Variants in MROH1 observed in about 807,000 individuals in gnomAD.
MROH1 encodes maestro heat like repeat family member 1.
A neutral mutation model predicts 116.5 loss-of-function variants in MROH1; 117 were observed. The ratio of observed to expected loss-of-function variants is 1.00; its 90% confidence interval spans 0.86 to 1.17. The LOEUF (loss-of-function observed/expected upper bound fraction) is 1.17, where lower values mean the gene tolerates loss of function less well. Ranked by LOEUF, MROH1 falls within the 50% of genes most tolerant of loss-of-function variation. MROH1 has a pLI of 0.00. For synonymous variants in MROH1, 921 were observed against 583.9 expected, an observed-to-expected ratio of 1.58 and a Z score of -8.32; for missense variants, 1,873 against 1,338.5, an observed-to-expected ratio of 1.40 and a Z score of -6.23.
intron 12 of MROH1, among the ~76,000 whole-genome samples, chr8:144,219,451 C>T (rs1282220731): frequency 6.6e-6 from 1 of 152,176 alleles, no homozygotes; most frequent in Non-Finnish European, 1.5e-5. Flanking sequence ...AGCCACCACA[C>T]CTAACCCCTT....
intron 38 of MROH1, 54 bp from the exon 39 acceptor site, chr8:144,260,132 G>A: frequency 1.3e-6 from 1 of 757,196 alleles, no homozygotes; most frequent in Non-Finnish European, 2.4e-6. Context: ...ACCCTGTCTT[G>A]TGGGGTAGCA....
chr8:144,195,530 CAGAG>C (rs1165229596), intron 10 of MROH1, among the ~76,000 whole-genome samples: 1 of 124,520 alleles, frequency 8.0e-6, no homozygotes, highest in African/African-American at 3.0e-5. Context: ...AAAAAAGAAA[CAGAG>C]TCTCACTCTG....
intron 39 of MROH1, 66 bp from the exon 40 acceptor site, chr8:144,260,611 G>C (rs1229951297): frequency 1.3e-6 from 1 of 768,612 alleles, no homozygotes; most frequent in South Asian, 1.3e-5. Context: ...CAATGGCAGG[G>C]GGCTAGGCAG....
chr8:144,197,845 G>A (rs1389395917), intron 10 of MROH1, among the ~76,000 whole-genome samples: 3 of 149,964 alleles, frequency 2.0e-5, no homozygotes, highest in African/African-American at 4.9e-5. Context: ...AGGCCGAGGC[G>A]GGCGGATCAC....
chr8:144,212,772 G>C (rs1423624251), intron 12 of MROH1, among the ~76,000 whole-genome samples: 1 of 151,534 alleles, frequency 6.6e-6, no homozygotes, highest in African/African-American at 2.4e-5. Context: ...GTATTTTTTA[G>C]TACAGATAGG....
rs962228987 is a variant in MROH1 at position 144,261,669 on chromosome 8, C to T, written c.4855C>T (p.Leu1619=). 10 of 724,142 alleles carry T rather than the reference C, an allele frequency of 1.4e-5. No individual in the cohort carries two copies. The highest frequency in any genetic ancestry group is 2.5e-5 in the Non-Finnish European group (10 of 398,108). The allele number at this position is 724,142 out of a possible 1,614,324, so 44.9% of individuals were successfully genotyped here. ...TCTACCCCCAGCGCTCCAGATCCTG[C>T]TGAAGGACCCGGCCCCCGAGGTGCG... The part of the protein sequence containing the change: ...DQLIAALQIL[L]KDPAPEVRTR... Residue 1619 remains leucine, a synonymous_variant, in exon 44 of 44, where the codon CTG becomes TTG. Coordinates refer to ENST00000326134, the MANE Select transcript of MROH1 (RefSeq NM_032450.3).
chr8:144,240,993 A>G lies in MROH1; in HGVS notation c.1937A>G (p.Asn646Ser). ...PCYDEAPQEK[N>S]FLYKCIGTTL... ...CCGTGTTCTCTGGTTTTGTTTCAGAACTTCCTGTACAAATGCATAGGCACC... is the reference window on the plus strand; with the variant it reads ...CCGTGTTCTCTGGTTTTGTTTCAGAGCTTCCTGTACAAATGCATAGGCACC... Residue 646 changes from asparagine (N) to serine (S), a missense_variant and splice_region_variant, in exon 21 of 44, where the codon AAC (asparagine) becomes AGC (serine). Asn to Ser is a conservative substitution (Grantham distance 46). Coordinates refer to ENST00000326134, the MANE Select transcript of MROH1 (RefSeq NM_032450.3). 1.3e-6 allele frequency: 1 copy of G among 758,138 alleles called. No homozygotes were observed. Among genetic ancestry groups the G allele is most frequent in the South Asian group, 1.4e-5 (1 of 70,588 alleles). 47.0% of individuals were successfully genotyped at this position (758,138 alleles called of 1,614,324 possible).
intron 14 of MROH1, among the ~76,000 whole-genome samples, chr8:144,224,778 A>G (rs1287136852): frequency 6.6e-6 from 1 of 152,168 alleles, no homozygotes; most frequent in Non-Finnish European, 1.5e-5. Flanking sequence ...AGAGGGGGTG[A>G]GCGGCAGCGG....
At chr8:144,160,188 A>G (rs1313832963) in intron 1 of MROH1, among the ~76,000 whole-genome samples, 1 of 152,136 alleles carries the variant, frequency 6.6e-6, no homozygotes. Context: ...GTTACTAGGG[A>G]ACAGTTTGAT....
chr8:144,245,716 A>G (rs894316893), intron 29 of MROH1, among the ~76,000 whole-genome samples: 6 of 151,332 alleles, frequency 4.0e-5, no homozygotes, highest in Non-Finnish European at 7.4e-5. Flanking sequence ...CTGGAGTGCA[A>G]TGGTGCAAAC....
At chr8:144,171,066 A>T (rs1354371696) in intron 4 of MROH1, among the ~76,000 whole-genome samples, 1 of 152,252 alleles carries the variant, frequency 6.6e-6, no homozygotes, top group Non-Finnish European at 1.5e-5. Context: ...TCAGTTGTGC[A>T]GTGGACACCA....
intron 26 of MROH1, 38 bp downstream of exon 26, chr8:144,243,980 C>T (rs945309821): frequency 1.3e-4 from 100 of 770,456 alleles, no homozygotes; most frequent in Middle Eastern, 2.2e-4. Context: ...CGTGCAGCTG[C>T]GTGTGTGCGT....
chr8:144,181,886 T>C (rs1285491569), intron 7 of MROH1, among the ~76,000 whole-genome samples: 1 of 152,200 alleles, frequency 6.6e-6, no homozygotes, highest in Non-Finnish European at 1.5e-5. Flanking sequence ...CTGCTGAGGC[T>C]CTAAGCAGAA....
chr8:144,223,324 T>C, intron 14 of MROH1, 94 bp downstream of exon 14: 1 of 1,469,416 alleles, frequency 6.8e-7, no homozygotes, highest in African/African-American at 1.4e-5. Context: ...CAGCAGAGGG[T>C]GGATATGTGG....
intron 18 of MROH1, 56 bp downstream of exon 18, chr8:144,239,811 G>T (rs1361287885): frequency 1.4e-6 from 1 of 712,788 alleles, no homozygotes; most frequent in African/African-American, 1.7e-5. Flanking sequence ...AGGTCTCAGA[G>T]TAGGAGGGTG....
In MROH1 at chr8:144,180,640, T is replaced by C; in HGVS notation, c.562+117T>C. On this transcript the variant is annotated intron_variant, in intron 7 of 43. Coordinates refer to ENST00000326134, the MANE Select transcript of MROH1 (RefSeq NM_032450.3). This position sits in a 1 kb window ranked among gnomAD's most constrained non-coding sequence, Gnocchi z 7.4. ...CTTTAGGCTGCAGGAAGGGGGGCTG[T>C]TGGAGGGAGGGGCCCCCTGGCTGAG... 3.0e-6 allele frequency: 3 copies of C among 1,008,468 alleles called. No individual in the cohort carries two copies. The highest frequency in any genetic ancestry group is 4.3e-6 in the Non-Finnish European group (3 of 702,072). 62.5% of individuals were successfully genotyped at this position (1,008,468 alleles called of 1,614,324 possible).
chr8:144,234,096 G>A (rs776579822), intron 14 of MROH1, among the ~76,000 whole-genome samples: 2 of 151,702 alleles, frequency 1.3e-5, no homozygotes, highest in Non-Finnish European at 2.9e-5. Flanking sequence ...TGCAAGCTCT[G>A]CCTCCCGGGT....
intron 12 of MROH1, among the ~76,000 whole-genome samples, chr8:144,209,073 G>GTGTGTGTA (rs1307650402): frequency 8.1e-6 from 1 of 123,636 alleles, no homozygotes; most frequent in African/African-American, 2.9e-5. Context: ...GTGTGTGTGT[G>GTGTGTGTA]TTTAGTGGAG....
chr8:144,215,983 A>T (rs1271665013), intron 12 of MROH1, among the ~76,000 whole-genome samples: 1 of 151,546 alleles, frequency 6.6e-6, no homozygotes, highest in African/African-American at 2.4e-5. Flanking sequence ...TCAGGAGTTC[A>T]AGACCAGCCT....
Sources: gnomAD v4.1 joint callset for allele counts (sites outside exome capture counted in the v4.1 genomes callset) on GRCh38, gnomAD v4.1.1 for gene constraint, Gnocchi (gnomAD v3.1) non-coding constraint, MANE v1.5 for transcripts, NCBI Gene and HGNC (gene_info 2026-07-23, HGNC 2026-07-21) for gene names.